The following MYRIP variants were observed in gnomAD, a reference collection of about 807,000 sequenced individuals.
MYRIP encodes the protein rab effector MyRIP.
Under a neutral mutation model 98.0 loss-of-function variants are expected in MYRIP, and 49 were observed. The observed-to-expected ratio is 0.50, with a 90% confidence interval of 0.40 to 0.63. The LOEUF (loss-of-function observed/expected upper bound fraction) is 0.63. MYRIP is among the 30% of genes least tolerant of loss of function. The pLI is 0.00. For missense variants in MYRIP, 1,004 were observed against 1,058.2 expected (o/e 0.95, Z 0.71); for synonymous variants, 404 against 409.5 (o/e 0.99, Z 0.16).
intron 3 of MYRIP, among the ~76,000 whole-genome samples, chr3:40,064,396 G>A (rs1948085804): frequency 6.6e-6 from 1 of 152,114 alleles, no homozygotes; most frequent in Non-Finnish European, 1.5e-5. Flanking sequence ...ATAAAGCAGA[G>A]ACATATATAC....
At chr3:40,154,748 G>T (rs937093326) in intron 4 of MYRIP, among the ~76,000 whole-genome samples, 2 of 152,038 alleles carry the variant, frequency 1.3e-5, no homozygotes, top group Non-Finnish European at 2.9e-5. Flanking sequence ...CCCCTGCTGT[G>T]TCCATGTGTT....
At chr3:39,921,573 G>A (rs760148229) in intron 2 of MYRIP, among the ~76,000 whole-genome samples, 40 of 152,136 alleles carry the variant, frequency 2.6e-4, no homozygotes, top group Non-Finnish European at 4.9e-4. Flanking sequence ...CCCAACTCCA[G>A]GTACATTGTA....
chr3:39,957,318 A>C (rs1450339575), intron 2 of MYRIP, among the ~76,000 whole-genome samples: 2 of 151,828 alleles, frequency 1.3e-5, no homozygotes, highest in African/African-American at 2.4e-5. Context: ...CATATCAAAA[A>C]GCTTATCTAC....
In MYRIP at chr3:40,244,440, C is replaced by T. The variant is rs757640322; in HGVS notation, c.2101-6C>T. The T allele has an allele frequency of 1.2e-6, 2 of 1,609,620 alleles. No individual in the cohort carries two copies. The highest frequency in any genetic ancestry group is 2.2e-5 in the East Asian group (1 of 44,608). On this transcript the variant is annotated splice_polypyrimidine_tract_variant and splice_region_variant and intron_variant, in intron 12 of 16. Transcript: ENST00000302541. ...CATGAACTCAAATGTAGCACTGTCTCTACAGGTATACCTGGCAGCAGGCAC... is the reference window on the plus strand; with the variant it reads ...CATGAACTCAAATGTAGCACTGTCTTTACAGGTATACCTGGCAGCAGGCAC...
At chr3:40,064,671 G>A (rs80084889) in intron 3 of MYRIP, among the ~76,000 whole-genome samples, 3,760 of 152,274 alleles carry the variant, frequency 0.025, 150 homozygotes, top group African/African-American at 0.083. Flanking sequence ...TGAAGTTGAC[G>A]TTTCTGTCCC....
chr3:40,051,118 G>T (rs1199709408), intron 3 of MYRIP, among the ~76,000 whole-genome samples: 4 of 152,180 alleles, frequency 2.6e-5, no homozygotes, highest in Admixed American at 6.6e-5. Flanking sequence ...TGAGAGGATT[G>T]ACTTCAACTT....
chr3:40,198,381 A>G (rs1479670718), intron 10 of MYRIP, among the ~76,000 whole-genome samples: 1 of 152,180 alleles, frequency 6.6e-6, no homozygotes, highest in Non-Finnish European at 1.5e-5. Context: ...TTGAGAGAAT[A>G]CTGGGAGGAG....
In MYRIP at chr3:40,258,334, T is replaced by A. The variant is rs1953665855; in HGVS notation, c.*168T>A. The A allele has an allele frequency of 2.8e-6, 2 of 715,656 alleles. No homozygotes were observed. The highest frequency in any genetic ancestry group is 2.7e-5 in the East Asian group (1 of 37,384). The allele number at this position is 715,656 out of a possible 1,614,324, so 44.3% of individuals were successfully genotyped here. ...TCCTGATACCTCATCCAGAAAGCCG[T>A]CTCAGACTTCAGCACTGCGGTCTTG... On this transcript the variant is annotated 3_prime_UTR_variant, in exon 17 of 17. Transcript: ENST00000302541.
chr3:39,956,122 G>C (rs193215280), intron 2 of MYRIP, among the ~76,000 whole-genome samples: 3 of 152,270 alleles, frequency 2.0e-5, no homozygotes, highest in Admixed American at 1.3e-4. Context: ...AGATCAACGA[G>C]ACAGAAACTT....
intron 12 of MYRIP, among the ~76,000 whole-genome samples, chr3:40,240,570 C>T (rs1324564088): frequency 6.6e-6 from 1 of 152,208 alleles, no homozygotes; most frequent in Non-Finnish European, 1.5e-5. Context: ...CACCCGAATA[C>T]TGCGCTTTTC....
chr3:40,129,537 C>A (rs1474037690), intron 3 of MYRIP, among the ~76,000 whole-genome samples: 2 of 142,522 alleles, frequency 1.4e-5, no homozygotes, highest in Non-Finnish European at 3.0e-5. Context: ...TGCTAAAATG[C>A]AGATTCTGAT....
chr3:39,976,297 C>T (rs1945749053), intron 2 of MYRIP, among the ~76,000 whole-genome samples: 1 of 152,192 alleles, frequency 6.6e-6, no homozygotes. Context: ...TGAGAAAATG[C>T]TCATCATCAC....
intron 3 of MYRIP, among the ~76,000 whole-genome samples, chr3:40,136,313 C>T (rs940720121): frequency 1.3e-5 from 2 of 152,182 alleles, no homozygotes; most frequent in Non-Finnish European, 2.9e-5. Context: ...GTAAAGGGAT[C>T]AATTCAACAA....
At chr3:39,865,575 TG>T (rs1331115651) in intron 1 of MYRIP, among the ~76,000 whole-genome samples, 2 of 152,092 alleles carry the variant, frequency 1.3e-5, no homozygotes, top group Admixed American at 1.3e-4. Flanking sequence ...TATGAAAAAA[TG>T]CTCTGCATGA....
chr3:39,812,744 C>G (rs941917842), intron 1 of MYRIP, among the ~76,000 whole-genome samples: 1 of 152,226 alleles, frequency 6.6e-6, no homozygotes, highest in African/African-American at 2.4e-5. Context: ...CATGGTGGCG[C>G]CAGGTTGGCT....
chr3:40,143,504 A>G (rs1262179957), intron 3 of MYRIP, among the ~76,000 whole-genome samples: 1 of 152,226 alleles, frequency 6.6e-6, no homozygotes, highest in Non-Finnish European at 1.5e-5. Context: ...CAATAAAATC[A>G]GTAATATCAA....
chr3:39,936,584 T>A (rs1459979428), intron 2 of MYRIP, among the ~76,000 whole-genome samples: 1 of 152,146 alleles, frequency 6.6e-6, no homozygotes, highest in Non-Finnish European at 1.5e-5. Context: ...CTGTGCTGAG[T>A]TGCACAGCCA....
chr3:39,844,858 C>T (rs963428755), intron 1 of MYRIP, among the ~76,000 whole-genome samples: 3 of 152,112 alleles, frequency 2.0e-5, no homozygotes, highest in East Asian at 1.9e-4. Flanking sequence ...TCATTGGATC[C>T]GTTGGGTTAT....
chr3:39,957,323 A>C (rs546148139), intron 2 of MYRIP, among the ~76,000 whole-genome samples: 13 of 151,958 alleles, frequency 8.6e-5, no homozygotes, highest in Admixed American at 3.9e-4. Context: ...CAAAAAGCTT[A>C]TCTACCATGA....
Sources: allele counts gnomAD v4.1 joint callset (sites outside exome capture counted in the v4.1 genomes callset), GRCh38; gene constraint gnomAD v4.1.1; transcripts MANE v1.5; gene names NCBI Gene and HGNC (gene_info 2026-07-23, HGNC 2026-07-21).